OFD1: variants seen among roughly 807,000 people sequenced by gnomAD.
OFD1 encodes the protein centriole and centriolar satellite protein OFD1.
OFD1 carries 12 observed loss-of-function variants against 81.4 expected under a neutral mutation model. That is an observed-to-expected ratio of 0.15 (90% CI 0.09 to 0.24). OFD1 has a LOEUF of 0.24. OFD1 is among the 10% of genes least tolerant of loss of function. The pLI is 1.00. For synonymous variants in OFD1, 256 were observed against 263.7 expected (o/e 0.97, Z 0.28); for missense variants, 685 against 733.9 (o/e 0.93, Z 0.77).
chrX:13,764,070 G>A (rs765483252), intron 19 of OFD1, among the ~76,000 whole-genome samples: 15 of 111,747 alleles, frequency 1.3e-4, no homozygotes, highest in African/African-American at 4.6e-4. Flanking sequence ...GAAAGGACAC[G>A]TTGGAAGGAA....
the OFD1 span, chrX:13,722,208 C>CAGAAAAAAAAAAAAAAAA: frequency 5.5e-5 from 2 of 36,116 alleles, no homozygotes; most frequent in Non-Finnish European, 1.0e-4. Context: ...TAAGCAGCAG[C>CAGAAAAAAAAAAAAAAAA]AAAAAAAAAA....
chrX:13,752,016 C>T (rs761075133), intron 10 of OFD1, among the ~76,000 whole-genome samples: 3 of 111,946 alleles, frequency 2.7e-5, no homozygotes, highest in Non-Finnish European at 5.6e-5. Flanking sequence ...ATCTTTTCCT[C>T]TACCTCACTC....
intron 18 of OFD1, among the ~76,000 whole-genome samples, chrX:13,763,166 GA>G (rs1046930038): frequency 8.9e-6 from 1 of 112,662 alleles, no homozygotes; most frequent in African/African-American, 3.2e-5. Context: ...AGAATATTAA[GA>G]GTCCAGAAAC....
At chrX:13,757,423 C>CT (rs1264046192) in intron 13 of OFD1, among the ~76,000 whole-genome samples, 2 of 111,736 alleles carry the variant, frequency 1.8e-5, no homozygotes, top group African/African-American at 6.5e-5. Context: ...AGTTCTTTTA[C>CT]TTGGAGTAGG....
intron 5 of OFD1, among the ~76,000 whole-genome samples, chrX:13,741,953 T>C (rs1420698271): frequency 8.9e-6 from 1 of 111,793 alleles, no homozygotes; most frequent in Non-Finnish European, 1.9e-5. Flanking sequence ...CTGCAGGCCA[T>C]CTGGACGTAT....
In OFD1 at chrX:13,769,041, T is replaced by C. The variant is rs754573508; in HGVS notation, c.2997-25T>C. On this transcript the variant is annotated intron_variant, in intron 22 of 22. Coordinates refer to ENST00000340096, the MANE Select transcript of OFD1 (RefSeq NM_003611.3). ...AAACTTGACACAAATTTTTACATTT[T>C]AATTTTTATCTTTCCCTAATTTAGT... is the stretch of plus-strand genomic sequence containing the variant. 8.0e-6 allele frequency: 9 copies of C among 1,124,987 alleles called. No individual in the cohort carries two copies. The Admixed American group carries it at 2.0e-4, about 25-fold the overall frequency. 92.7% of individuals were successfully genotyped at this position (1,124,987 alleles called of 1,213,427 possible).
At position 13,768,166 on chromosome X, in the gene OFD1, C is replaced by T; in HGVS notation, c.2870C>T (p.Pro957Leu). The T allele has an allele frequency of 8.3e-7, 1 of 1,210,419 alleles. No homozygotes were observed. Among genetic ancestry groups the T allele is most frequent in the Non-Finnish European group, 1.1e-6 (1 of 894,380 alleles). Reference protein sequence around the residue: ...IKDKSAHSENPLEKYMKIIQQ... With the variant: ...IKDKSAHSENLLEKYMKIIQQ... The stretch of plus-strand genomic sequence containing the variant: ...GACAAATCTGCTCACAGTGAAAATC[C>T]TTTAGAGAAATACATGAAAATCATC... Residue 957 changes from proline (P) to leucine (L), a missense_variant, in exon 21 of 23, where the codon CCT becomes CTT. By Grantham distance (98) the Pro-to-Leu change is moderately conservative (BLOSUM62 -3). Transcript: ENST00000340096.
chrX:13,757,940 A>G, intron 14 of OFD1, 150 bp downstream of exon 14: 1 of 672,540 alleles, frequency 1.5e-6, no homozygotes, highest in Non-Finnish European at 2.3e-6. Context: ...TTCTCATCTG[A>G]GAAAATTCTG....
At chrX:13,755,285 A>G (rs769725610) in intron 12 of OFD1, 43 bp downstream of exon 12, 3 of 963,507 alleles carry the variant, frequency 3.1e-6, no homozygotes, top group Non-Finnish European at 4.5e-6. Context: ...ATTTTAAGCA[A>G]TATATGAAAT....
intron 11 of OFD1, among the ~76,000 whole-genome samples, chrX:13,754,466 G>A (rs1348787545): frequency 1.9e-5 from 2 of 105,771 alleles, no homozygotes; most frequent in African/African-American, 3.5e-5. Context: ...GCCCAGGCTG[G>A]AGTACAGTGG....
upstream of OFD1, chrX:13,734,739 A>C: frequency 2.0e-6 from 2 of 1,023,316 alleles, no homozygotes; most frequent in Non-Finnish European, 2.5e-6. Context: ...GGTTTCCGGA[A>C]GTTGCCGGAC....
intron 19 of OFD1, among the ~76,000 whole-genome samples, chrX:13,766,089 T>G (rs2048115720): frequency 8.9e-6 from 1 of 111,864 alleles, no homozygotes; most frequent in Non-Finnish European, 1.9e-5. Context: ...GATGAAATAT[T>G]TCTCGTACAA....
At position 13,734,757 on chromosome X, in the gene OFD1, G is replaced by C. The variant is rs188480668; in HGVS notation, c.-315G>C. On this transcript the variant is annotated 5_prime_UTR_variant, in exon 1 of 23. Coordinates refer to ENST00000340096, the MANE Select transcript of OFD1 (RefSeq NM_003611.3). ...TTCCGGAAGTTGCCGGACTGGCTGT[G>C]AGGCGGTCCTGCCTCGCTGCCTTCA... 1,303 of 1,044,304 alleles carry C rather than the reference G, an allele frequency of 1.2e-3. 9 individuals are homozygous for C. In the African/African-American group the frequency reaches 0.022, roughly 18 times the overall value. 86.1% of individuals were successfully genotyped at this position (1,044,304 alleles called of 1,213,427 possible).
the OFD1 span, among the ~76,000 whole-genome samples, chrX:13,724,664 T>C: frequency 8.9e-6 from 1 of 112,446 alleles, no homozygotes; most frequent in Non-Finnish European, 1.9e-5. Flanking sequence ...ACCTCCGGTC[T>C]GCAGCTCCCA....
chrX:13,749,121 C>A (rs866172672), intron 8 of OFD1, among the ~76,000 whole-genome samples: 492 of 68,218 alleles, frequency 7.2e-3, no homozygotes, highest in Middle Eastern at 0.014. Context: ...GACCCTGTCT[C>A]AAAAAAAAAA....
At chrX:13,768,667 A>G in intron 21 of OFD1, 51 bp from the exon 22 acceptor site, 1 of 933,317 alleles carries the variant, frequency 1.1e-6, no homozygotes, top group Non-Finnish European at 1.6e-6. Flanking sequence ...GTATTTCATG[A>G]AATTAATGCA....
At chrX:13,766,534 A>G (rs1000167209) in intron 19 of OFD1, among the ~76,000 whole-genome samples, 1 of 111,241 alleles carries the variant, frequency 9.0e-6, no homozygotes, top group African/African-American at 3.3e-5. Context: ...AGTAGAGGAA[A>G]AGATAGGGAA....
the OFD1 span, among the ~76,000 whole-genome samples, chrX:13,718,201 C>T: frequency 1.8e-5 from 2 of 113,258 alleles, no homozygotes; most frequent in Middle Eastern, 4.6e-3. Flanking sequence ...GAAACTGAGA[C>T]GGCTTCCTTG....
the OFD1 span, chrX:13,716,526 A>G: frequency 8.3e-7 from 1 of 1,210,075 alleles, no homozygotes; most frequent in African/African-American, 1.7e-5. Flanking sequence ...CTAAGAAGGT[A>G]AGGATATGCC....
Sources: allele counts gnomAD v4.1 joint callset (sites outside exome capture counted in the v4.1 genomes callset), GRCh38; gene constraint gnomAD v4.1.1; transcripts MANE v1.5; gene names NCBI Gene and HGNC (gene_info 2026-07-23, HGNC 2026-07-21).